Variants in DDB2 observed in about 807,000 individuals in gnomAD.
The protein encoded by DDB2 is damage specific DNA binding protein 2.
DDB2 carries 27 observed loss-of-function variants against 50.5 expected under a neutral mutation model. That is an observed-to-expected ratio of 0.53 (90% CI 0.39 to 0.74). The LOEUF is 0.74. Among genes scored for constraint, DDB2 ranks in the 30% least tolerant of loss-of-function variants. The pLI is 0.00. For synonymous variants in DDB2, 176 were observed against 205.5 expected (o/e 0.86, Z 1.23); for missense variants, 424 against 545.6 (o/e 0.78, Z 2.22).
chr11:47,222,157 C>T (rs1953495005), intron 3 of DDB2, among the ~76,000 whole-genome samples: 1 of 152,152 alleles, frequency 6.6e-6, no homozygotes, highest in Admixed American at 6.6e-5. Flanking sequence ...TAATCCACCC[C>T]TCTCTACCCA....
rs918301792 is a variant in DDB2 at position 47,221,261 on chromosome 11, G to C, written c.456+4212G>C. Among the ~76,000 whole-genome samples, 3 of 151,582 alleles carry C rather than the reference G, an allele frequency of 2.0e-5. No homozygotes were observed. The East Asian group carries it at 5.8e-4, about 29-fold the overall frequency. ...AAATCCCCATTTTCAGCATCCCTCT[G>C]TGCATGTGTACACTATTTTTTTTTT... On this transcript the variant is annotated intron_variant, in intron 3 of 9. Transcript: ENST00000256996.
chr11:47,218,818 C>T (rs542614119), intron 3 of DDB2, among the ~76,000 whole-genome samples: 1 of 151,444 alleles, frequency 6.6e-6, no homozygotes, highest in Admixed American at 6.6e-5. Flanking sequence ...AAATGTAGGT[C>T]TTTTGATATC....
chr11:47,239,019 A>G lies in DDB2; in HGVS notation c.*170A>G, dbSNP rs2135519937. On this transcript the variant is annotated 3_prime_UTR_variant, in exon 10 of 10. Transcript: ENST00000256996. ...GTGGGACTGGGACACTTTTATGTTA[A>G]TGCTCTGGACTTGCCTCCAGAGACT... is the stretch of plus-strand genomic sequence containing the variant. The G allele has an allele frequency of 3.0e-6, 2 of 657,382 alleles. No homozygotes were observed. The highest frequency in any genetic ancestry group is 2.8e-5 in the East Asian group (1 of 35,510). The allele number at this position is 657,382 out of a possible 1,614,324, so 40.7% of individuals were successfully genotyped here.
chr11:47,228,977 A>ATATCTTTCTATCTATC (rs1554974379), intron 3 of DDB2, among the ~76,000 whole-genome samples: 1 of 124,660 alleles, frequency 8.0e-6, no homozygotes, highest in Non-Finnish European at 1.6e-5. Context: ...AAAAAAAGAA[A>ATATCTTTCTATCTATC]TATCTATCTA....
intron 3 of DDB2, among the ~76,000 whole-genome samples, chr11:47,227,631 C>T (rs911451890): frequency 1.3e-5 from 2 of 151,968 alleles, no homozygotes; most frequent in Non-Finnish European, 2.9e-5. Flanking sequence ...CTGCCTCAGC[C>T]TCCCAAGAAG....
At chr11:47,233,910 C>A (rs151064257) in intron 4 of DDB2, among the ~76,000 whole-genome samples, 180 of 152,294 alleles carry the variant, frequency 1.2e-3, no homozygotes, top group Non-Finnish European at 2.1e-3. Context: ...CTCCAGGCTA[C>A]TCTTCCGCAA....
At chr11:47,232,027 A>G (rs951684027) in intron 3 of DDB2, among the ~76,000 whole-genome samples, 1 of 152,228 alleles carries the variant, frequency 6.6e-6, no homozygotes, top group Non-Finnish European at 1.5e-5. Context: ...TAATTAAAAA[A>G]AAAAGTAAAA....
At chr11:47,225,150 G>T (rs1443552092) in intron 3 of DDB2, among the ~76,000 whole-genome samples, 1 of 151,438 alleles carries the variant, frequency 6.6e-6, no homozygotes, top group Middle Eastern at 3.2e-3. Flanking sequence ...ATATTGGCCA[G>T]GCTGGTCTCA....
At chr11:47,230,740 G>C (rs769000976) in intron 3 of DDB2, among the ~76,000 whole-genome samples, 2 of 152,162 alleles carry the variant, frequency 1.3e-5, no homozygotes, top group Admixed American at 6.5e-5. Context: ...TGTGAGGCTG[G>C]GATAGCTGCA....
chr11:47,230,596 A>G (rs1263135722), intron 3 of DDB2, among the ~76,000 whole-genome samples: 1 of 152,166 alleles, frequency 6.6e-6, no homozygotes, highest in East Asian at 1.9e-4. Flanking sequence ...TTGTCATACT[A>G]CCAGCAAGCA....
At chr11:47,224,562 C>A (rs1953530845) in intron 3 of DDB2, among the ~76,000 whole-genome samples, 1 of 152,078 alleles carries the variant, frequency 6.6e-6, no homozygotes, top group African/African-American at 2.4e-5. Flanking sequence ...TTATTTCTTA[C>A]AAAGAGTTCA....
At chr11:47,216,164 C>A in intron 1 of DDB2, 172 bp from the exon 2 acceptor site, 1 of 982,658 alleles carries the variant, frequency 1.0e-6, no homozygotes, top group Non-Finnish European at 1.6e-6. Flanking sequence ...CAAATCCTCA[C>A]TCATTTTTTT....
chr11:47,220,026 T>A (rs954425091), intron 3 of DDB2, among the ~76,000 whole-genome samples: 1 of 152,118 alleles, frequency 6.6e-6, no homozygotes, highest in Non-Finnish European at 1.5e-5. Context: ...CCTGACCTCG[T>A]GATCCGCCCG....
At chr11:47,230,332 A>G (rs1464696608) in intron 3 of DDB2, among the ~76,000 whole-genome samples, 2 of 152,152 alleles carry the variant, frequency 1.3e-5, no homozygotes, top group Non-Finnish European at 2.9e-5. Context: ...CTGGGATTAT[A>G]GATGTGAGCT....
At chr11:47,214,552 G>C (rs1007659246), upstream of DDB2, 2 of 157,166 alleles carry the variant, frequency 1.3e-5, no homozygotes, top group Non-Finnish European at 2.8e-5. Context: ...AGGAGTTAAA[G>C]ACCGGCCCGG....
upstream of DDB2, chr11:47,214,843 A>G: frequency 6.3e-6 from 3 of 475,522 alleles, no homozygotes; most frequent in South Asian, 6.4e-5. Flanking sequence ...CCGGGCTGGC[A>G]CTGGCCCTGG....
chr11:47,225,328 C>T (rs1041086749), intron 3 of DDB2, among the ~76,000 whole-genome samples: 1 of 151,034 alleles, frequency 6.6e-6, no homozygotes, highest in African/African-American at 2.4e-5. Context: ...CTCAGTGGCT[C>T]ACGCCTGTAA....
chr11:47,229,446 A>G (rs763605006), intron 3 of DDB2, among the ~76,000 whole-genome samples: 1 of 152,096 alleles, frequency 6.6e-6, no homozygotes, highest in Non-Finnish European at 1.5e-5. Flanking sequence ...GAGAGAGGGA[A>G]GAGGGTGATT....
intron 4 of DDB2, 43 bp downstream of exon 4, chr11:47,233,002 G>C: frequency 6.2e-7 from 1 of 1,609,884 alleles, no homozygotes; most frequent in Non-Finnish European, 8.5e-7. Context: ...CTAAGCTTAG[G>C]TGTAGTTCCG....
Sources: allele counts gnomAD v4.1 joint callset (sites outside exome capture counted in the v4.1 genomes callset), GRCh38; gene constraint gnomAD v4.1.1; transcripts MANE v1.5; gene names NCBI Gene and HGNC (gene_info 2026-07-23, HGNC 2026-07-21).